Variants in DUSP8 observed in about 807,000 individuals in gnomAD.
DUSP8 encodes the protein dual specificity phosphatase 8.
In DUSP8, 15 loss-of-function variants were observed where a neutral mutation model predicts 38.7. The ratio of observed to expected loss-of-function variants is 0.39; its 90% CI spans 0.26 to 0.60. The LOEUF (loss-of-function observed/expected upper bound fraction) is 0.60, where lower values mean the gene tolerates loss of function less well. Among genes scored for constraint, DUSP8 ranks in the 20% least tolerant of loss-of-function variants. DUSP8 has a pLI of 0.56. For synonymous variants in DUSP8, 458 were observed against 433.9 expected, an observed-to-expected ratio of 1.06 and a Z score of -0.69; for missense variants, 768 against 915.0, an observed-to-expected ratio of 0.84 and a Z score of 2.07.
Position 1,557,759 on chromosome 11 carries a change from G to A in DUSP8, c.821+35C>T. 1 of 1,611,440 alleles carries A rather than the reference G, an allele frequency of 6.2e-7. No homozygotes were observed. Among genetic ancestry groups the A allele is most frequent in the Non-Finnish European group, 8.5e-7 (1 of 1,179,534 alleles). ...CAGCCGGGGGAAGGGAAGCGACGCT[G>A]TGAGCCACAAGTGCGCGACTGGGGA... On this transcript the variant is annotated intron_variant, in intron 6 of 6. Transcript: ENST00000397374. The surrounding 1 kb of genome is among the most constrained non-coding windows in gnomAD (Gnocchi z 9.9).
chr11:1,560,366 C>T (rs1267090801), intron 3 of DUSP8, among the ~76,000 whole-genome samples: 1 of 152,132 alleles, frequency 6.6e-6, no homozygotes, highest in African/African-American at 2.4e-5. Flanking sequence ...GCCTAGGGCT[C>T]CTCCTCTCTC....
intron 1 of DUSP8, among the ~76,000 whole-genome samples, chr11:1,567,431 G>A (rs1160063260): frequency 2.0e-5 from 3 of 152,232 alleles, no homozygotes; most frequent in Admixed American, 1.3e-4. Context: ...AGTTCACAGA[G>A]CAGCAGGTGC....
rs1191918019 is a variant in DUSP8, at chr11:1,555,068, T to C, written c.*1450A>G. On this transcript the variant is annotated 3_prime_UTR_variant, in exon 7 of 7. Transcript: ENST00000397374. ...CTCAGGACTGGGTCCTGCCCTGGGC[T>C]GCCTCTCCGGCCAAGCCCCTGGCCT... 5.4e-5 allele frequency: 53 copies of C among 986,582 alleles called. No individual in the cohort carries two copies. Among genetic ancestry groups the C allele is most frequent in the Non-Finnish European group, 6.3e-5 (52 of 830,142 alleles). 61.1% of individuals were successfully genotyped at this position (986,582 alleles called of 1,614,324 possible).
chr11:1,556,641 G>A lies in DUSP8; in HGVS notation c.1755C>T (p.Arg585=), dbSNP rs568619006. ...EEPAPETQFK[R]RSCQMEFEEG... is the part of the protein sequence containing the mutation. ...CCTCGAACTCCATCTGGCAGCTGCGGCGCTTGAACTGCGTCTCCGGGGCCG... is the reference window on the plus strand; with the variant it reads ...CCTCGAACTCCATCTGGCAGCTGCGACGCTTGAACTGCGTCTCCGGGGCCG... The change falls in exon 7 of 7, where the codon CGC becomes CGT. Residue 585 remains arginine (R), a synonymous_variant. Transcript: ENST00000397374. The surrounding 1 kb of genome is among the most constrained non-coding windows in gnomAD (Gnocchi z 5.2). 4.5e-4 allele frequency: 644 copies of A among 1,419,106 alleles called. 1 individual carries two copies. Among genetic ancestry groups the A allele is most frequent in the Middle Eastern group, 4.3e-3 (17 of 3,940 alleles). 87.9% of individuals were successfully genotyped at this position (1,419,106 alleles called of 1,614,324 possible).
At chr11:1,565,276 G>C (rs1288325523) in intron 2 of DUSP8, among the ~76,000 whole-genome samples, 1 of 152,220 alleles carries the variant, frequency 6.6e-6, no homozygotes, top group Non-Finnish European at 1.5e-5. Context: ...CCCTCTGTGA[G>C]CCTGGGTTGG....
intron 3 of DUSP8, chr11:1,559,387 G>T: frequency 2.7e-6 from 1 of 369,872 alleles, no homozygotes; most frequent in South Asian, 3.8e-5. Flanking sequence ...CTGGGCCCAG[G>T]CAGGGGTGGG....
chr11:1,569,844 C>T (rs1848860718), intron 1 of DUSP8, among the ~76,000 whole-genome samples: 1 of 152,162 alleles, frequency 6.6e-6, no homozygotes, highest in African/African-American at 2.4e-5. Context: ...CTGTCCGGCT[C>T]ACTGTTACCC....
chr11:1,563,795 C>T lies in DUSP8; in HGVS notation c.370+56G>A, dbSNP rs946159438. The T allele has an allele frequency of 8.4e-6, 12 of 1,434,156 alleles. No homozygotes were observed. In the Admixed American group the frequency reaches 1.4e-4, roughly 16 times the overall value. The allele number at this position is 1,434,156 out of a possible 1,614,324, so 88.8% of individuals were successfully genotyped here. A position where few individuals can be genotyped will look rare whatever the true frequency, so the allele number is the denominator to read the frequency against. On this transcript the variant is annotated intron_variant, in intron 3 of 6. Coordinates refer to ENST00000397374, the MANE Select transcript of DUSP8 (RefSeq NM_004420.3). ...CCTCCCTGATGCCCCAGCCCCAGCC[C>T]CAGCCCCACTGCTGGCGGAGCAAGT...
intron 1 of DUSP8, among the ~76,000 whole-genome samples, chr11:1,566,454 G>A (rs1268542413): frequency 2.0e-5 from 3 of 152,148 alleles, no homozygotes; most frequent in African/African-American, 4.8e-5. Flanking sequence ...AGCTCCGTAA[G>A]CCGATAATCC....
In DUSP8 at chr11:1,556,651, T is replaced by G; in HGVS notation, c.1745A>C (p.Gln582Pro). 7.1e-7 allele frequency: 1 copy of G among 1,408,776 alleles called. No individual in the cohort carries two copies. The highest frequency in any genetic ancestry group is 1.5e-5 in the South Asian group (1 of 67,584). 87.3% of individuals were successfully genotyped at this position (1,408,776 alleles called of 1,614,324 possible). The change falls in exon 7 of 7, where the codon CAG becomes CCG. Residue 582 changes from glutamine to proline, a missense_variant. Transcript: ENST00000397374. The surrounding 1 kb of genome is among the most constrained non-coding windows in gnomAD (Gnocchi z 5.2). ...GWPEEPAPET[Q>P]FKRRSCQMEF... is the part of the protein sequence containing the mutation. ...CATCTGGCAGCTGCGGCGCTTGAAC[T>G]GCGTCTCCGGGGCCGGCTCCTCGGG...
At position 1,557,974 on chromosome 11, in the gene DUSP8, G is replaced by A. The variant is rs1848662222; in HGVS notation, c.698-57C>T. On this transcript the variant is annotated intron_variant, in intron 5 of 6. Transcript: ENST00000397374. The surrounding 1 kb of genome is among the most constrained non-coding windows in gnomAD (Gnocchi z 9.9). ...GGCTAAGACTGCACAGCTTCTCCCT[G>A]GCCCAGGTAGGGGACCCCACCCGCC... 6.2e-7 allele frequency: 1 copy of A among 1,611,572 alleles called. No individual in the cohort carries two copies. Among genetic ancestry groups the A allele is most frequent in the South Asian group, 1.1e-5 (1 of 91,024 alleles).
upstream of DUSP8, chr11:1,572,809 C>G (rs939973245): frequency 4.6e-5 from 7 of 152,334 alleles, no homozygotes; most frequent in African/African-American, 1.4e-4. This position sits in a 1 kb window ranked among gnomAD's most constrained non-coding sequence, Gnocchi z 4.7. Context: ...AGGACGGAGC[C>G]GGATCCCCCT....
intron 3 of DUSP8, among the ~76,000 whole-genome samples, chr11:1,561,190 T>C (rs1395805453): frequency 6.6e-6 from 1 of 152,068 alleles, no homozygotes; most frequent in African/African-American, 2.4e-5. Context: ...GAGGCACCCC[T>C]ACCCCCAGGC....
Position 1,555,284 on chromosome 11 carries a change from C to G in DUSP8, c.*1234G>C. 1.0e-6 allele frequency: 1 copy of G among 987,864 alleles called. No individual in the cohort carries two copies. The highest frequency in any genetic ancestry group is 1.2e-6 in the Non-Finnish European group (1 of 830,216). The allele number at this position is 987,864 out of a possible 1,614,324, so 61.2% of individuals were successfully genotyped here. A position where few individuals can be genotyped will look rare whatever the true frequency, so the allele number is the denominator to read the frequency against. Reference sequence around the variant, plus strand: ...GAAAGGGGTGAATGGGAGTTTCTCTCCTGAGCGGCCCCATGGGGGTGGGGG... The same window carrying G: ...GAAAGGGGTGAATGGGAGTTTCTCTGCTGAGCGGCCCCATGGGGGTGGGGG... On this transcript the variant is annotated 3_prime_UTR_variant, in exon 7 of 7. Coordinates refer to ENST00000397374, the MANE Select transcript of DUSP8 (RefSeq NM_004420.3).
intron 3 of DUSP8, among the ~76,000 whole-genome samples, chr11:1,563,513 G>T (rs1355575178): frequency 6.6e-6 from 1 of 152,076 alleles, no homozygotes; most frequent in African/African-American, 2.4e-5. Context: ...GGACTTCCTC[G>T]GGACCCCACG....
At position 1,558,219 on chromosome 11, in the gene DUSP8, C is replaced by A; in HGVS notation, c.590G>T (p.Cys197Phe). Residue 197 changes from cysteine (C) to phenylalanine (F), a missense_variant, in exon 5 of 7, where the codon TGC becomes TTC. Cys to Phe is a radical substitution (Grantham distance 205). Around this residue, in one of 3 missense-constraint regions of DUSP8, gnomAD observed 252 missense variants for 410.4 expected, o/e 0.61. Coordinates refer to ENST00000397374, the MANE Select transcript of DUSP8 (RefSeq NM_004420.3). The surrounding 1 kb of genome is among the most constrained non-coding windows in gnomAD (Gnocchi z 6.3). ...CTCGCAGATGAAGTCAGGCTTGGGG[C>A]AGGAGTTGCTGGCGTTGAGGACGTA... ...ISYVLNASNS[C>F]PKPDFICESR... The A allele has an allele frequency of 6.6e-7, 1 of 1,514,868 alleles. No individual in the cohort carries two copies. Among genetic ancestry groups the A allele is most frequent in the Non-Finnish European group, 8.9e-7 (1 of 1,123,446 alleles). The allele number at this position is 1,514,868 out of a possible 1,614,324, so 93.8% of individuals were successfully genotyped here. A position where few individuals can be genotyped will look rare whatever the true frequency, so the allele number is the denominator to read the frequency against.
At chr11:1,563,096 A>C (rs1160686560) in intron 3 of DUSP8, among the ~76,000 whole-genome samples, 1 of 151,852 alleles carries the variant, frequency 6.6e-6, no homozygotes, top group African/African-American at 2.4e-5. Context: ...AGTCCCCCAT[A>C]TCCTCTGCTT....
intron 3 of DUSP8, among the ~76,000 whole-genome samples, chr11:1,561,188 C>T (rs1344872801): frequency 6.6e-6 from 1 of 152,124 alleles, no homozygotes; most frequent in African/African-American, 2.4e-5. Context: ...GGGAGGCACC[C>T]CTACCCCCAG....
At chr11:1,571,066 G>A (rs955406710) in intron 1 of DUSP8, among the ~76,000 whole-genome samples, 2 of 152,022 alleles carry the variant, frequency 1.3e-5, no homozygotes, top group Non-Finnish European at 2.9e-5. Context: ...CCCCTCAGCA[G>A]AGGCCGGTAC....
Sources: gnomAD v4.1 joint callset for allele counts (sites outside exome capture counted in the v4.1 genomes callset) on GRCh38, gnomAD v4.1.1 for gene constraint, gnomAD v4.1.1 regional missense constraint, Gnocchi (gnomAD v3.1) non-coding constraint, MANE v1.5 for transcripts, NCBI Gene and HGNC (gene_info 2026-07-23, HGNC 2026-07-21) for gene names.